VPS39: variants seen among roughly 807,000 people sequenced by gnomAD.
VPS39 encodes the protein vam6/Vps39-like protein.
VPS39 carries 70 observed loss-of-function variants against 121.0 expected under a neutral mutation model. The observed-to-expected ratio is 0.58, with a 90% CI of 0.48 to 0.71. The LOEUF is 0.71. Ranked by LOEUF, VPS39 falls within the 30% of genes least tolerant of loss-of-function variation. VPS39 has a pLI of 0.00. For synonymous variants in VPS39, 378 were observed against 398.1 expected, an observed-to-expected ratio of 0.95 and a Z score of 0.60; for missense variants, 818 against 1,051.5, an observed-to-expected ratio of 0.78 and a Z score of 3.07.
chr15:42,193,320 A>G (rs1008940253), intron 2 of VPS39, among the ~76,000 whole-genome samples: 2 of 152,232 alleles, frequency 1.3e-5, no homozygotes, highest in Non-Finnish European at 2.9e-5. Context: ...ATCTGTTTTG[A>G]TAATTTAATT....
chr15:42,169,577 G>A (rs1566893553), intron 12 of VPS39, 147 bp downstream of exon 12: 3 of 875,570 alleles, frequency 3.4e-6, no homozygotes, highest in African/African-American at 3.4e-5. Context: ...AGAAGTAGCA[G>A]AAAGAAACTT....
rs377603218 is a variant in VPS39, at chr15:42,166,280, G to A, written c.1607-48C>T. The stretch of plus-strand genomic sequence containing the variant: ...TCAGCAGTTGAGGCCCATCTTGCCT[G>A]TGGCACTGGGAAGGCAGGTGGGCAG... On this transcript the variant is annotated intron_variant, in intron 15 of 24. Coordinates refer to ENST00000318006, the MANE Select transcript of VPS39 (RefSeq NM_015289.5). The A allele has an allele frequency of 2.1e-5, 33 of 1,574,202 alleles. No individual in the cohort carries two copies. In the South Asian group the frequency reaches 3.3e-4, roughly 16 times the overall value.
chr15:42,169,610 G>C (rs1268372084), intron 12 of VPS39, 114 bp downstream of exon 12: 1 of 1,221,462 alleles, frequency 8.2e-7, no homozygotes, highest in Non-Finnish European at 1.1e-6. Flanking sequence ...ACTTCCTACA[G>C]CATTAATTTA....
Position 42,206,064 on chromosome 15 carries a change from C to T in VPS39, c.73+2017G>A, listed in dbSNP as rs117699668. Among the ~76,000 whole-genome samples, 1,480 of 152,288 alleles carry T rather than the reference C, an allele frequency of 9.7e-3. 15 individuals carry two copies. The highest frequency in any genetic ancestry group is 0.016 in the Non-Finnish European group (1,082 of 68,022). On this transcript the variant is annotated intron_variant, in intron 1 of 24. Transcript: ENST00000318006. ...GGTTTTGGCTATGCTACTGGACATC[C>T]AAATGAAGATGCTGAAAAGGCAGCA...
At chr15:42,180,126 CTA>C (rs2049551511) in intron 8 of VPS39, among the ~76,000 whole-genome samples, 1 of 147,838 alleles carries the variant, frequency 6.8e-6, no homozygotes, top group Non-Finnish European at 1.5e-5. Context: ...TATAAATTAC[CTA>C]GTCTGTGGTA....
chr15:42,193,082 T>C (rs936060696), intron 2 of VPS39, among the ~76,000 whole-genome samples: 1 of 152,202 alleles, frequency 6.6e-6, no homozygotes, highest in Non-Finnish European at 1.5e-5. Flanking sequence ...CCCCGGCCTA[T>C]AATTCTCTTT....
At chr15:42,207,418 G>A (rs149717522) in intron 1 of VPS39, among the ~76,000 whole-genome samples, 5 of 152,084 alleles carry the variant, frequency 3.3e-5, no homozygotes, top group Admixed American at 3.3e-4. Flanking sequence ...TGTCTGTCCC[G>A]GCCTTCTGCA....
At chr15:42,164,221 A>G (rs1293698216) in intron 19 of VPS39, 137 bp downstream of exon 19, 2 of 1,333,672 alleles carry the variant, frequency 1.5e-6, no homozygotes, top group East Asian at 4.6e-5. Context: ...AGAGAGGACA[A>G]AACAGGAGCA....
rs1459519380 is a variant in VPS39 at position 42,173,978 on chromosome 15, T to C, written c.961-126A>G. 56 of 1,104,560 alleles carry C rather than the reference T, an allele frequency of 5.1e-5. No homozygotes were observed. The South Asian group carries it at 5.5e-4, about 11-fold the overall frequency. The allele number at this position is 1,104,560 out of a possible 1,614,324, so 68.4% of individuals were successfully genotyped here. ...GTGTACAAGACAAGGCCGGGCGCGG[T>C]GCCTCACGCTTGTAATCCCAGCACT... On this transcript the variant is annotated intron_variant, in intron 10 of 24. Coordinates refer to ENST00000318006, the MANE Select transcript of VPS39 (RefSeq NM_015289.5).
intron 8 of VPS39, among the ~76,000 whole-genome samples, chr15:42,179,662 TA>T (rs2049540554): frequency 3.4e-5 from 5 of 147,848 alleles, no homozygotes; most frequent in African/African-American, 1.2e-4. Context: ...AAAAGAAAGG[TA>T]GGGGGAAGGC....
Position 42,160,798 on chromosome 15 carries a change from C to T in VPS39, c.2584G>A (p.Val862Ile), listed in dbSNP as rs1306583546. Residue 862 changes from valine (V) to isoleucine (I), a missense_variant, in exon 25 of 25, where the codon GTC becomes ATC. Physicochemically the swap from Val to Ile is conservative, Grantham distance 29 (BLOSUM62 3). Coordinates refer to ENST00000318006, the MANE Select transcript of VPS39 (RefSeq NM_015289.5). ...ACCTCTTTGGAACAGAAGTAATGGA[C>T]GACCACTCCATTGGGGTATCTTGCA... ...AFARYPNGVVVHYFCSKEVNP... is the reference protein window; with the variant it reads ...AFARYPNGVVIHYFCSKEVNP... 8.1e-6 allele frequency: 13 copies of T among 1,614,018 alleles called. No individual in the cohort carries two copies. Among genetic ancestry groups the T allele is most frequent in the South Asian group, 2.2e-5 (2 of 91,084 alleles).
At position 42,164,476 on chromosome 15, in the gene VPS39, T is replaced by C. The variant is rs2049202808; in HGVS notation, c.1908A>G (p.Pro636=). 6.2e-7 allele frequency: 1 copy of C among 1,613,966 alleles called. No individual in the cohort carries two copies. Among genetic ancestry groups the C allele is most frequent in the African/African-American group, 1.3e-5 (1 of 74,924 alleles). Residue 636 remains proline (P), a synonymous_variant, in exon 19 of 25, where the codon CCA becomes CCG. Coordinates refer to ENST00000318006, the MANE Select transcript of VPS39 (RefSeq NM_015289.5). ...YLLSFPAGKT[P]VPAGEEEGEL... is the part of the protein sequence containing the mutation. ...CACCCTCTTCCTCTCCAGCTGGGAC[T>C]GGGGTTTTGCCTTTAAGGGAAACCA...
In VPS39 at chr15:42,167,490, T is replaced by C. The variant is rs1386314248; in HGVS notation, c.1281A>G (p.Ser427=). 1 of 1,614,132 alleles carries C rather than the reference T, an allele frequency of 6.2e-7. No homozygotes were observed. The highest frequency in any genetic ancestry group is 1.7e-5 in the Admixed American group (1 of 60,012). The part of the protein sequence containing the change: ...VKKLNDSDHQ[S]STSPLMEGTP... ...TGCCTTCCATGAGCGGTGAGGTGCT[T>C]GACTGGTGATCAGAGTCATTCAGCT... Residue 427 remains serine (S), a synonymous_variant, in exon 13 of 25, where the codon TCA becomes TCG. Transcript: ENST00000318006.
chr15:42,164,558 A>C lies in VPS39; in HGVS notation c.1898-72T>G, dbSNP rs987418480. ...AATGTAGGGTCATCAAGAAAAATGA[A>C]GGGAATGGGGTTCAAGGATGTCACC... On this transcript the variant is annotated intron_variant, in intron 18 of 24. Transcript: ENST00000318006. 1.9e-6 allele frequency: 3 copies of C among 1,584,120 alleles called. No homozygotes were observed. The African/African-American group carries it at 4.0e-5, about 21-fold the overall frequency.
Position 42,184,632 on chromosome 15 carries a change from A to T in VPS39, c.603T>A (p.Pro201=). The T allele has an allele frequency of 6.2e-7, 1 of 1,614,158 alleles. No individual in the cohort carries two copies. Among genetic ancestry groups the T allele is most frequent in the Non-Finnish European group, 8.5e-7 (1 of 1,180,040 alleles). ...TGKQLEPLVA[P]LADGKVAVGQ... is the part of the protein sequence containing the mutation. ...CCACAGCCACTTTTCCATCTGCCAG[A>T]GGTGCAACTAAGGGCTCCAGCTGTT... Residue 201 remains proline (P), a synonymous_variant, in exon 8 of 25, where the codon CCT becomes CCA. Transcript: ENST00000318006.
intron 7 of VPS39, among the ~76,000 whole-genome samples, chr15:42,185,434 C>T (rs538730406): frequency 6.6e-6 from 1 of 152,174 alleles, no homozygotes; most frequent in South Asian, 2.1e-4. Context: ...CCACCCGCCA[C>T]GGCCTCCCAA....
chr15:42,161,942 G>C (rs956362496), intron 23 of VPS39, 90 bp downstream of exon 23: 1 of 1,599,646 alleles, frequency 6.3e-7, no homozygotes, highest in African/African-American at 1.3e-5. Flanking sequence ...GCACTGTACA[G>C]GCTCTGCCTT....
chr15:42,160,877 C>A (rs1288972165), intron 24 of VPS39, 48 bp from the exon 25 acceptor site: 1 of 1,594,622 alleles, frequency 6.3e-7, no homozygotes, highest in Admixed American at 1.7e-5. Context: ...TCTAAGTGAC[C>A]ACTTCTCTGG....
chr15:42,164,337 G>A, intron 19 of VPS39, 21 bp downstream of exon 19: 1 of 1,613,748 alleles, frequency 6.2e-7, no homozygotes, highest in East Asian at 2.2e-5. Flanking sequence ...AGTGGCTTCT[G>A]GCCCTAAGCC....
Sources: gnomAD v4.1 joint callset for allele counts (sites outside exome capture counted in the v4.1 genomes callset) on GRCh38, gnomAD v4.1.1 for gene constraint, MANE v1.5 for transcripts, NCBI Gene and HGNC (gene_info 2026-07-23, HGNC 2026-07-21) for gene names.